PACSIN2: variants seen among roughly 807,000 people sequenced by gnomAD.
PACSIN2 encodes protein kinase C and casein kinase substrate in neurons protein 2.
Under a neutral mutation model 63.8 loss-of-function variants are expected in PACSIN2, and 25 were observed. The observed-to-expected ratio is 0.39, with a 90% CI of 0.29 to 0.55. The LOEUF is 0.55. Ranked by LOEUF, PACSIN2 falls within the 20% of genes least tolerant of loss-of-function variation. PACSIN2 has a pLI of 0.62. For synonymous variants in PACSIN2, 255 were observed against 256.2 expected (o/e 1.00, Z 0.05); for missense variants, 518 against 646.9 (o/e 0.80, Z 2.16).
chr22:42,953,938 G>A (rs1349212147), intron 1 of PACSIN2, among the ~76,000 whole-genome samples: 1 of 152,172 alleles, frequency 6.6e-6, no homozygotes, highest in Non-Finnish European at 1.5e-5. Context: ...TGGTATTCTG[G>A]AGAGAATAAG....
chr22:42,927,610 T>A (rs1030397212), intron 1 of PACSIN2, among the ~76,000 whole-genome samples: 1 of 151,982 alleles, frequency 6.6e-6, no homozygotes, highest in Admixed American at 6.6e-5. Context: ...TTTTTGAGAC[T>A]GAGTTTTGCT....
intron 1 of PACSIN2, among the ~76,000 whole-genome samples, chr22:42,934,734 T>C (rs577565533): frequency 4.6e-5 from 7 of 152,316 alleles, no homozygotes; most frequent in African/African-American, 1.7e-4. Flanking sequence ...TGGCCCCCAT[T>C]CCTCTTTCCC....
rs1315377781 is a variant in PACSIN2 at position 42,993,001 on chromosome 22, T to C, written c.-78+22020A>G. 5.9e-5 allele frequency among the ~76,000 whole-genome samples: 9 copies of C among 151,994 alleles called. No homozygotes were observed. The East Asian group carries it at 1.7e-3, about 29-fold the overall frequency. ...CAACACAGTGAAGCCCCGTCTCTAC[T>C]AAAAATACAAAAAAATTGGCCGGGC... On this transcript the variant is annotated intron_variant, in intron 1 of 10. Transcript: ENST00000263246.
intron 1 of PACSIN2, among the ~76,000 whole-genome samples, chr22:42,932,405 T>C (rs1187033433): frequency 2.0e-5 from 3 of 152,196 alleles, no homozygotes; most frequent in African/African-American, 7.2e-5. Context: ...ACCTCAGTTT[T>C]TACCTGTGTA....
chr22:42,877,289 G>A (rs983424372), intron 8 of PACSIN2, among the ~76,000 whole-genome samples: 7 of 152,140 alleles, frequency 4.6e-5, no homozygotes, highest in East Asian at 1.9e-4. Flanking sequence ...GCCCAGGGGC[G>A]GGTGACAAGC....
chr22:42,909,501 C>T (rs930719307), intron 2 of PACSIN2: 7 of 470,896 alleles, frequency 1.5e-5, no homozygotes, highest in African/African-American at 6.0e-5. Flanking sequence ...GCAGTCACTC[C>T]GCCACTCAAC....
At chr22:42,898,872 C>T (rs1285850906) in intron 2 of PACSIN2, among the ~76,000 whole-genome samples, 2 of 152,166 alleles carry the variant, frequency 1.3e-5, no homozygotes, top group Non-Finnish European at 2.9e-5. Flanking sequence ...CAGAAACATC[C>T]GTGCAATCAG....
intron 3 of PACSIN2, among the ~76,000 whole-genome samples, chr22:42,892,494 T>A (rs1929983826): frequency 6.6e-6 from 1 of 152,080 alleles, no homozygotes; most frequent in Non-Finnish European, 1.5e-5. Flanking sequence ...GTGGTAAGGG[T>A]GCTCTGTAAA....
At chr22:42,905,009 A>T (rs1161124453) in intron 2 of PACSIN2, among the ~76,000 whole-genome samples, 1 of 152,270 alleles carries the variant, frequency 6.6e-6, no homozygotes, top group Non-Finnish European at 1.5e-5. Context: ...AATAGAAAGG[A>T]AAAATGTGTC....
intron 1 of PACSIN2, among the ~76,000 whole-genome samples, chr22:42,970,638 G>T (rs573490507): frequency 6.6e-6 from 1 of 152,074 alleles, no homozygotes. Context: ...CATTCATTAC[G>T]TCCTTTGCAA....
intron 1 of PACSIN2, among the ~76,000 whole-genome samples, chr22:43,011,759 C>T (rs145572380): frequency 1.6e-3 from 247 of 152,214 alleles, no homozygotes; most frequent in African/African-American, 5.5e-3. Context: ...CGCCTGTAAT[C>T]CCAGCACTTT....
chr22:42,991,812 CAAAAAA>C (rs58208243), intron 1 of PACSIN2, among the ~76,000 whole-genome samples: 1 of 119,840 alleles, frequency 8.3e-6, no homozygotes, highest in Non-Finnish European at 1.8e-5. Context: ...TATCCACAGA[CAAAAAA>C]AAAAAAAAAA....
chr22:42,956,666 G>C (rs1204327765), intron 1 of PACSIN2, among the ~76,000 whole-genome samples: 1 of 152,096 alleles, frequency 6.6e-6, no homozygotes, highest in African/African-American at 2.4e-5. Context: ...ATCTGGTCTG[G>C]AGAGCTGCCC....
At chr22:42,880,320 A>T (rs1928975652) in intron 7 of PACSIN2, among the ~76,000 whole-genome samples, 1 of 152,238 alleles carries the variant, frequency 6.6e-6, no homozygotes, top group Admixed American at 6.5e-5. Flanking sequence ...TCACCTTTTC[A>T]TCTATTAATT....
chr22:42,915,806 A>T (rs1931768674), intron 1 of PACSIN2, among the ~76,000 whole-genome samples: 1 of 152,238 alleles, frequency 6.6e-6, no homozygotes, highest in Non-Finnish European at 1.5e-5. Context: ...ATAATTCACA[A>T]TCAACTACTT....
intron 1 of PACSIN2, among the ~76,000 whole-genome samples, chr22:42,913,480 CAA>C (rs138842796): frequency 0.033 from 3,059 of 92,802 alleles, 65 homozygotes; most frequent in African/African-American, 0.11. Flanking sequence ...ACTCCGTCTC[CAA>C]AAAAAAAAAA....
chr22:42,933,364 G>C (rs1029902832), intron 1 of PACSIN2, among the ~76,000 whole-genome samples: 14 of 152,198 alleles, frequency 9.2e-5, no homozygotes, highest in Admixed American at 7.9e-4. Context: ...ACCAGTGACT[G>C]CCAAGCCCAG....
At chr22:42,919,044 C>T (rs1931992395) in intron 1 of PACSIN2, among the ~76,000 whole-genome samples, 2 of 152,182 alleles carry the variant, frequency 1.3e-5, no homozygotes, top group Admixed American at 6.5e-5. Flanking sequence ...CATACCTGTG[C>T]ACACGTATGG....
At position 42,930,955 on chromosome 22, in the gene PACSIN2, C is replaced by T. The variant is rs554495003; in HGVS notation, c.-77-18798G>A. ...GAAAGGCAGAGGTGAGTCACGTGTGCGTGACTCTGAAGAGTGACAGGCTGG... is the reference window on the plus strand; with the variant it reads ...GAAAGGCAGAGGTGAGTCACGTGTGTGTGACTCTGAAGAGTGACAGGCTGG... On this transcript the variant is annotated intron_variant, in intron 1 of 10. Transcript: ENST00000263246. Among the ~76,000 whole-genome samples, 20 of 152,328 alleles carry T rather than the reference C, an allele frequency of 1.3e-4. No individual in the cohort carries two copies. The South Asian group carries it at 3.5e-3, about 27-fold the overall frequency.
Sources: allele counts gnomAD v4.1 joint callset (sites outside exome capture counted in the v4.1 genomes callset), GRCh38; gene constraint gnomAD v4.1.1; transcripts MANE v1.5; gene names NCBI Gene and HGNC (gene_info 2026-07-23, HGNC 2026-07-21).